The following ASCC3 variants were observed in gnomAD, a reference collection of about 807,000 sequenced individuals.
ASCC3 encodes ASC-1 complex subunit P200.
Under a neutral mutation model 256.3 loss-of-function variants are expected in ASCC3, and 158 were observed. That is an observed-to-expected ratio of 0.62 (90% CI 0.54 to 0.70). The LOEUF (loss-of-function observed/expected upper bound fraction) is 0.70. Among genes scored for constraint, ASCC3 ranks in the 30% least tolerant of loss-of-function variants. The pLI, the probability that ASCC3 is intolerant of heterozygous loss-of-function variation, is 0.00. For missense variants in ASCC3, 2,259 were observed against 2,626.0 expected, an observed-to-expected ratio of 0.86 and a Z score of 3.05; for synonymous variants, 948 against 883.4, an observed-to-expected ratio of 1.07 and a Z score of -1.30.
chr6:100,579,422 C>T (rs753142156), intron 36 of ASCC3, among the ~76,000 whole-genome samples: 2 of 152,014 alleles, frequency 1.3e-5, no homozygotes, highest in Non-Finnish European at 2.9e-5. Context: ...TTGCCAGGGC[C>T]TACGTCCAGA....
chr6:100,643,668 C>G (rs531256323), intron 23 of ASCC3, among the ~76,000 whole-genome samples: 5 of 151,764 alleles, frequency 3.3e-5, no homozygotes, highest in African/African-American at 1.2e-4. Context: ...ATATTTTAGG[C>G]AATTATAACA....
intron 14 of ASCC3, among the ~76,000 whole-genome samples, chr6:100,676,747 C>T (rs1016866988): frequency 2.5e-5 from 3 of 119,442 alleles, no homozygotes; most frequent in East Asian, 5.5e-4. Context: ...CGCGCGCGTG[C>T]GCGCACACAC....
At position 100,806,581 on chromosome 6, in the gene ASCC3, T is replaced by C. The variant is rs1238603292; in HGVS notation, c.802-701A>G. On this transcript the variant is annotated intron_variant, in intron 4 of 41. Coordinates refer to ENST00000369162, the MANE Select transcript of ASCC3 (RefSeq NM_006828.4). ...CGAGTATGATCTGGGAAGATACATGTATATATTTCTTGTTTAGAAATATAA... is the reference window on the plus strand; with the variant it reads ...CGAGTATGATCTGGGAAGATACATGCATATATTTCTTGTTTAGAAATATAA... 7.2e-5 allele frequency among the ~76,000 whole-genome samples: 11 copies of C among 151,952 alleles called. 1 individual carries two copies. Among genetic ancestry groups the C allele is most frequent in the African/African-American group, 2.4e-5 (1 of 41,432 alleles).
chr6:100,667,450 A>C (rs1776535083), intron 14 of ASCC3, among the ~76,000 whole-genome samples: 1 of 152,130 alleles, frequency 6.6e-6, no homozygotes, highest in African/African-American at 2.4e-5. Flanking sequence ...AAAAGGAGCC[A>C]ATTCAAGTTT....
intron 36 of ASCC3, among the ~76,000 whole-genome samples, chr6:100,584,825 T>C (rs1771555029): frequency 6.6e-6 from 1 of 152,162 alleles, no homozygotes; most frequent in South Asian, 2.1e-4. Flanking sequence ...AAGTATTTTA[T>C]TTCTCCTTCA....
intron 4 of ASCC3, among the ~76,000 whole-genome samples, chr6:100,846,260 A>T (rs1772377343): frequency 6.6e-6 from 1 of 152,162 alleles, no homozygotes; most frequent in African/African-American, 2.4e-5. Context: ...TATACTGAAA[A>T]TTTGCCATAA....
intron 36 of ASCC3, among the ~76,000 whole-genome samples, chr6:100,581,084 T>C (rs558535317): frequency 0.028 from 4,239 of 152,226 alleles, 143 homozygotes; most frequent in Admixed American, 0.099. Flanking sequence ...TATAGTCCTT[T>C]GGGTATATAC....
At chr6:100,762,763 A>G (rs1031777893) in intron 10 of ASCC3, among the ~76,000 whole-genome samples, 4 of 152,200 alleles carry the variant, frequency 2.6e-5, no homozygotes, top group African/African-American at 9.6e-5. Context: ...TAATTTATAC[A>G]AGATTCTTAA....
chr6:100,509,947 G>A lies in ASCC3; in HGVS notation c.6446C>T (p.Pro2149Leu). 1.2e-6 allele frequency: 2 copies of A among 1,613,456 alleles called. No individual in the cohort carries two copies. The highest frequency in any genetic ancestry group is 1.7e-6 in the Non-Finnish European group (2 of 1,179,784). ...TTCTTCTTACCTTCCAGGTATTTCA[G>A]GGGTATAAAAAGAAAGGGAAGCAAC... Reference protein sequence around the residue: ...HHVASLSFYTPEIPGRYIYTL... With the variant: ...HHVASLSFYTLEIPGRYIYTL... The change falls in exon 41 of 42, where the codon CCT becomes CTT. Residue 2149 changes from proline (P) to leucine (L), a missense_variant. Physicochemically the swap from Pro to Leu is moderately conservative, Grantham distance 98. Around this residue, in one of 2 missense-constraint regions of ASCC3, gnomAD observed 1,839 missense variants for 2,206.7 expected, o/e 0.83. Transcript: ENST00000369162.
At chr6:100,859,485 C>T (rs1773119314) in intron 3 of ASCC3, among the ~76,000 whole-genome samples, 1 of 152,018 alleles carries the variant, frequency 6.6e-6, no homozygotes, top group Non-Finnish European at 1.5e-5. Context: ...CTTTAGAATT[C>T]TAAATATCTA....
At chr6:100,706,617 A>C (rs1427941145) in intron 13 of ASCC3, among the ~76,000 whole-genome samples, 1 of 151,960 alleles carries the variant, frequency 6.6e-6, no homozygotes, top group Non-Finnish European at 1.5e-5. Flanking sequence ...CGTGCTTTCC[A>C]AGTACCTACT....
rs183527334 is a variant in ASCC3, at chr6:100,813,062, G to T, written c.802-7182C>A. 4.7e-3 allele frequency among the ~76,000 whole-genome samples: 720 copies of T among 152,148 alleles called. 4 individuals are homozygous for T. Among genetic ancestry groups the T allele is most frequent in the Non-Finnish European group, 8.0e-3 (545 of 67,990 alleles). ...AAGTGCACCAACATACACATAATAA[G>T]CATACCCAAAGGAAAGAAAAGAGCA... On this transcript the variant is annotated intron_variant, in intron 4 of 41. Transcript: ENST00000369162.
intron 10 of ASCC3, among the ~76,000 whole-genome samples, chr6:100,763,626 C>A (rs1249580030): frequency 1.3e-5 from 2 of 152,080 alleles, no homozygotes; most frequent in African/African-American, 4.8e-5. Context: ...TGTAAGGGAA[C>A]CTTAGATCTA....
chr6:100,517,837 C>T (rs544291642), intron 38 of ASCC3, among the ~76,000 whole-genome samples, 154 bp downstream of exon 38: 6 of 152,198 alleles, frequency 3.9e-5, no homozygotes, highest in South Asian at 4.1e-4. Context: ...AAGAATGTTA[C>T]GTCACTTGGC....
intron 37 of ASCC3, among the ~76,000 whole-genome samples, chr6:100,535,961 T>A (rs190040626): frequency 2.6e-5 from 4 of 152,330 alleles, no homozygotes; most frequent in Admixed American, 1.3e-4. Flanking sequence ...AGTGTAGCCA[T>A]TAGAAATTAT....
chr6:100,576,655 G>C (rs1770878646), intron 36 of ASCC3, among the ~76,000 whole-genome samples: 1 of 151,964 alleles, frequency 6.6e-6, no homozygotes, highest in Admixed American at 6.6e-5. Context: ...CTAGCATGTA[G>C]TGGGTTCTCA....
intron 37 of ASCC3, among the ~76,000 whole-genome samples, chr6:100,538,300 G>T (rs1370686841): frequency 1.3e-5 from 2 of 152,068 alleles, no homozygotes; most frequent in Non-Finnish European, 2.9e-5. Flanking sequence ...TTTAACCTTT[G>T]TGAAGTGTGA....
chr6:100,558,129 A>G (rs1371579467), intron 36 of ASCC3, among the ~76,000 whole-genome samples: 1 of 151,914 alleles, frequency 6.6e-6, no homozygotes, highest in Non-Finnish European at 1.5e-5. Context: ...TTATAGTAAT[A>G]TAAGAAGAAA....
intron 10 of ASCC3, among the ~76,000 whole-genome samples, chr6:100,748,260 C>T (rs1780778128): frequency 6.6e-6 from 1 of 151,622 alleles, no homozygotes; most frequent in African/African-American, 2.4e-5. Flanking sequence ...GTCAATGTAG[C>T]ACAATCATCA....
Sources: gnomAD v4.1 joint callset for allele counts (sites outside exome capture counted in the v4.1 genomes callset) on GRCh38, gnomAD v4.1.1 for gene constraint, gnomAD v4.1.1 regional missense constraint, MANE v1.5 for transcripts, NCBI Gene and HGNC (gene_info 2026-07-23, HGNC 2026-07-21) for gene names.